Variants in ZBTB43 observed in about 807,000 individuals in gnomAD.
The protein encoded by ZBTB43 is zinc finger and BTB domain-containing protein 43.
Under a neutral mutation model 31.1 loss-of-function variants are expected in ZBTB43, and 6 were observed. The observed-to-expected ratio is 0.19, with a 90% confidence interval of 0.11 to 0.38. The LOEUF is 0.38. Ranked by LOEUF, ZBTB43 falls within the 10% of genes least tolerant of loss-of-function variation. ZBTB43 has a pLI of 1.00. For missense variants in ZBTB43, 379 were observed against 602.1 expected (o/e 0.63, Z 3.88); for synonymous variants, 212 against 221.7 (o/e 0.96, Z 0.39).
At chr9:126,824,454 A>G (rs533333724) in intron 2 of ZBTB43, among the ~76,000 whole-genome samples, 2 of 152,354 alleles carry the variant, frequency 1.3e-5, no homozygotes, top group East Asian at 3.8e-4. Context: ...TTGTAGAGCA[A>G]GTCTACAGGT....
At position 126,813,066 on chromosome 9, in the gene ZBTB43, C is replaced by T. The variant is rs182493433; in HGVS notation, c.-24+4151C>T. 5.5e-4 allele frequency among the ~76,000 whole-genome samples: 83 copies of T among 151,706 alleles called. No homozygotes were observed. The East Asian group carries it at 0.016, about 28-fold the overall frequency. On this transcript the variant is annotated intron_variant, in intron 2 of 2. Coordinates refer to ENST00000373464, the MANE Select transcript of ZBTB43 (RefSeq NM_014007.4). Reference sequence around the variant, plus strand: ...CATGATCTCGGCTCACTGCAACCTCCGCCTCCCAGGTTCAAGCAGTTCTGC... The same window carrying T: ...CATGATCTCGGCTCACTGCAACCTCTGCCTCCCAGGTTCAAGCAGTTCTGC...
rs1344754454 is a variant in ZBTB43, at chr9:126,832,991, G to T, written c.482G>T (p.Gly161Val). The T allele has an allele frequency of 3.1e-6, 5 of 1,613,782 alleles. No homozygotes were observed. In the East Asian group the frequency reaches 1.1e-4, roughly 36 times the overall value. The change falls in exon 3 of 3, where the codon GGT becomes GTT. Residue 161 changes from glycine (G) to valine (V), a missense_variant. By Grantham distance (109) the Gly-to-Val change is moderately radical (BLOSUM62 -3). Coordinates refer to ENST00000373464, the MANE Select transcript of ZBTB43 (RefSeq NM_014007.4). ...LVESFELGSG[G>V]HTDFPKAQEL... ...GAGAGCTTTGAGCTGGGCTCTGGGG[G>T]TCATACTGATTTTCCCAAAGCCCAA...
Position 126,832,936 on chromosome 9 carries a change from C to T in ZBTB43, c.427C>T (p.Pro143Ser). ...AAATCATGGCAGTGACCACCAGTCA[C>T]CAAGCAGCAGTAGTTATAATGGCCT... ...KLNHGSDHQS[P>S]SSSSYNGLVE... Residue 143 changes from proline to serine, a missense_variant, in exon 3 of 3, where the codon CCA becomes TCA. This residue lies in a region of ZBTB43 where 253 missense variants were observed against 322.3 expected (regional missense o/e 0.79). Coordinates refer to ENST00000373464, the MANE Select transcript of ZBTB43 (RefSeq NM_014007.4). 1 of 1,613,828 alleles carries T rather than the reference C, an allele frequency of 6.2e-7. No homozygotes were observed. The highest frequency in any genetic ancestry group is 8.5e-7 in the Non-Finnish European group (1 of 1,180,030).
intron 2 of ZBTB43, 108 bp downstream of exon 2, chr9:126,809,023 G>T (rs1265625249): frequency 1.3e-5 from 2 of 152,070 alleles, no homozygotes; most frequent in African/African-American, 4.8e-5. Context: ...AATTCCTCTA[G>T]ACCAGAAGAT....
intron 2 of ZBTB43, among the ~76,000 whole-genome samples, chr9:126,818,393 T>C (rs904149095): frequency 6.6e-6 from 1 of 151,994 alleles, no homozygotes; most frequent in Non-Finnish European, 1.5e-5. Flanking sequence ...GTAGCTGGGA[T>C]TGCAGATGAG....
chr9:126,824,570 C>T (rs1020053718), intron 2 of ZBTB43, among the ~76,000 whole-genome samples: 11 of 152,044 alleles, frequency 7.2e-5, no homozygotes, highest in South Asian at 2.1e-4. Flanking sequence ...TTTTTTTAAG[C>T]GCTTTAAATA....
At chr9:126,815,635 T>C (rs2032367302) in intron 2 of ZBTB43, among the ~76,000 whole-genome samples, 1 of 148,112 alleles carries the variant, frequency 6.8e-6, no homozygotes, top group Non-Finnish European at 1.5e-5. Flanking sequence ...CTAGATGTTT[T>C]ATTTGGGTCT....
In ZBTB43 at chr9:126,834,027, AAAGG is replaced by A. The variant is rs2032828077; in HGVS notation, c.*118_*121del. On this transcript the variant is annotated 3_prime_UTR_variant, in exon 3 of 3. Coordinates refer to ENST00000373464, the MANE Select transcript of ZBTB43 (RefSeq NM_014007.4). Reference sequence around the variant, plus strand: ...TATTATGAGAGAAGCTTAAAAAAAAAAAGGAAGATATTTCTGAAAGACCAGCTCT... The same window carrying A: ...TATTATGAGAGAAGCTTAAAAAAAAAAAGATATTTCTGAAAGACCAGCTCT... The A allele has an allele frequency of 1.3e-5, 16 of 1,204,462 alleles. No homozygotes were observed. Among genetic ancestry groups the A allele is most frequent in the Admixed American group, 2.8e-5 (1 of 36,242 alleles). The allele number at this position is 1,204,462 out of a possible 1,614,324, so 74.6% of individuals were successfully genotyped here. A position where few individuals can be genotyped will look rare whatever the true frequency, so the allele number is the denominator to read the frequency against.
intron 2 of ZBTB43, 178 bp from the exon 3 acceptor site, chr9:126,832,309 C>G: frequency 1.6e-6 from 1 of 621,830 alleles, no homozygotes; most frequent in Admixed American, 3.1e-5. Context: ...GTGGTGAGTC[C>G]TGCCTTTGGC....
At position 126,832,959 on chromosome 9, in the gene ZBTB43, C is replaced by T. The variant is rs200966418; in HGVS notation, c.450C>T (p.Gly150=). ...HQSPSSSSYN[G]LVESFELGSG... ...CACCAAGCAGCAGTAGTTATAATGG[C>T]CTGGTAGAGAGCTTTGAGCTGGGCT... is the stretch of plus-strand genomic sequence containing the variant. Residue 150 remains glycine (G), a synonymous_variant, in exon 3 of 3, where the codon GGC becomes GGT. Transcript: ENST00000373464. 6.2e-7 allele frequency: 1 copy of T among 1,613,758 alleles called. No homozygotes were observed. Among genetic ancestry groups the T allele is most frequent in the South Asian group, 1.1e-5 (1 of 91,072 alleles).
chr9:126,817,101 T>A (rs13290473), intron 2 of ZBTB43, among the ~76,000 whole-genome samples: 3 of 15,168 alleles, frequency 2.0e-4, no homozygotes, highest in South Asian at 7.2e-3. Context: ...CCACTGTATC[T>A]TTTTTTTTTT....
rs779841894 is a variant in ZBTB43 at position 126,833,560 on chromosome 9, A to G, written c.1051A>G (p.Ile351Val). The stretch of plus-strand genomic sequence containing the variant: ...CCTCGCAGCAGGTTACAGTGAGAAT[A>G]TTGAAATGGTAACAGGGATTAAAGA... ...AALAAGYSEN[I>V]EMVTGIKEEA... The change falls in exon 3 of 3, where the codon ATT becomes GTT. Residue 351 changes from isoleucine to valine, a missense_variant. Coordinates refer to ENST00000373464, the MANE Select transcript of ZBTB43 (RefSeq NM_014007.4). This position sits in a 1 kb window ranked among gnomAD's most constrained non-coding sequence, Gnocchi z 7.9. The G allele has an allele frequency of 4.3e-6, 7 of 1,613,980 alleles. No homozygotes were observed. Among genetic ancestry groups the G allele is most frequent in the Non-Finnish European group, 3.4e-6 (4 of 1,179,998 alleles).
Position 126,837,103 on chromosome 9 carries a change from CA to C in ZBTB43, c.*3206del, listed in dbSNP as rs3837241. 0.047 allele frequency: 5,999 copies of C among 129,008 alleles called. 54 individuals carry two copies. Among genetic ancestry groups the C allele is most frequent in the Middle Eastern group, 0.056 (12 of 214 alleles). The allele number at this position is 129,008 out of a possible 1,614,324, so 8.0% of individuals were successfully genotyped here. ...TGCGCGACAGATCGAGACTCTGTCT[CA>C]AAAAAAAAAAAAAAATTCATACTTA... On this transcript the variant is annotated 3_prime_UTR_variant, in exon 3 of 3. Transcript: ENST00000373464.
intron 1 of ZBTB43, among the ~76,000 whole-genome samples, chr9:126,805,941 C>G (rs1326602684): frequency 6.6e-6 from 1 of 152,230 alleles, no homozygotes; most frequent in Non-Finnish European, 1.5e-5. Flanking sequence ...ACTGGTGACA[C>G]TCTCAGTGAC....
At chr9:126,810,082 G>T (rs2032210615) in intron 2 of ZBTB43, among the ~76,000 whole-genome samples, 2 of 152,108 alleles carry the variant, frequency 1.3e-5, no homozygotes, top group African/African-American at 4.8e-5. Flanking sequence ...TGATCCACGG[G>T]CCTCAGCCTC....
At chr9:126,826,608 C>T (rs937861648) in intron 2 of ZBTB43, among the ~76,000 whole-genome samples, 4 of 151,612 alleles carry the variant, frequency 2.6e-5, no homozygotes, top group African/African-American at 4.8e-5. Flanking sequence ...GGACTACAGG[C>T]GCCCGCCACC....
At chr9:126,821,745 C>A (rs1481093550) in intron 2 of ZBTB43, among the ~76,000 whole-genome samples, 1 of 152,200 alleles carries the variant, frequency 6.6e-6, no homozygotes, top group Non-Finnish European at 1.5e-5. Context: ...TTATTGACAA[C>A]AAAGGATTTA....
At chr9:126,831,341 A>G (rs1322526435) in intron 2 of ZBTB43, 1 of 152,162 alleles carries the variant, frequency 6.6e-6, no homozygotes, top group Non-Finnish European at 1.5e-5. Flanking sequence ...TGAGGCTTAA[A>G]AGTTCTGTCA....
chr9:126,820,677 T>C (rs2032489423), intron 2 of ZBTB43, among the ~76,000 whole-genome samples: 1 of 152,090 alleles, frequency 6.6e-6, no homozygotes, highest in Non-Finnish European at 1.5e-5. Flanking sequence ...ATTTAAGAAA[T>C]ACATTTTGAG....
Sources: allele counts gnomAD v4.1 joint callset (sites outside exome capture counted in the v4.1 genomes callset), GRCh38; gene constraint gnomAD v4.1.1; regional missense constraint gnomAD v4.1.1; non-coding constraint Gnocchi (gnomAD v3.1); transcripts MANE v1.5; gene names NCBI Gene and HGNC (gene_info 2026-07-23, HGNC 2026-07-21).